Variants in ZNF330 observed in about 807,000 individuals in gnomAD.
The protein encoded by ZNF330 is nucleolar atypical zinc finger, also known as zinc finger protein 330.
In ZNF330, 31 loss-of-function variants were observed where a neutral mutation model predicts 45.5. The observed-to-expected ratio is 0.68, with a 90% confidence interval of 0.51 to 0.92. The LOEUF is 0.92. ZNF330 is among the 40% of genes least tolerant of loss of function. ZNF330 has a pLI of 0.00. For synonymous variants in ZNF330, 138 were observed against 123.2 expected (o/e 1.12, Z -0.79); for missense variants, 356 against 387.4 (o/e 0.92, Z 0.68).
In ZNF330 at chr4:141,234,003, G is replaced by A. The variant is rs755790195; in HGVS notation, c.*14G>A. 6 of 1,601,122 alleles carry A rather than the reference G, an allele frequency of 3.7e-6. No individual in the cohort carries two copies. The highest frequency in any genetic ancestry group is 5.1e-6 in the Non-Finnish European group (6 of 1,173,346). On this transcript the variant is annotated 3_prime_UTR_variant, in exon 10 of 10. Coordinates refer to ENST00000262990, the MANE Select transcript of ZNF330 (RefSeq NM_014487.6). ...CAAGAGAACTAGGGGAGCTGCTCTG[G>A]TGGCCGTGTGTGAGAGGAGCAGGAG...
Position 141,224,686 on chromosome 4 carries a change from G to C in ZNF330, c.211+9G>C, listed in dbSNP as rs1418673071. On this transcript the variant is annotated intron_variant, in intron 4 of 9. Transcript: ENST00000262990. ...AATTTGTGCACAGTGTGGTAAGTTT[G>C]TAATAATTAAGGACATATGCTTTTT... 3.1e-6 allele frequency: 5 copies of C among 1,611,050 alleles called. No homozygotes were observed. Among genetic ancestry groups the C allele is most frequent in the Non-Finnish European group, 4.2e-6 (5 of 1,178,148 alleles).
Position 141,234,227 on chromosome 4 carries a change from A to G in ZNF330, c.*238A>G, listed in dbSNP as rs1729029030. 1 of 626,550 alleles carries G rather than the reference A, an allele frequency of 1.6e-6. No homozygotes were observed. The highest frequency in any genetic ancestry group is 2.3e-6 in the Non-Finnish European group (1 of 433,964). The allele number at this position is 626,550 out of a possible 1,614,324, so 38.8% of individuals were successfully genotyped here. A position where few individuals can be genotyped will look rare whatever the true frequency, so the allele number is the denominator to read the frequency against. On this transcript the variant is annotated 3_prime_UTR_variant, in exon 10 of 10. Coordinates refer to ENST00000262990, the MANE Select transcript of ZNF330 (RefSeq NM_014487.6). ...TATTGATCGAAGCAATTGAAGTATC[A>G]TGGATTGGATTGTTACTGATTTCAG... is the stretch of plus-strand genomic sequence containing the variant.
intron 7 of ZNF330, among the ~76,000 whole-genome samples, chr4:141,231,000 G>A (rs889644443): frequency 7.9e-5 from 12 of 151,912 alleles, no homozygotes; most frequent in Admixed American, 3.9e-4. Flanking sequence ...AAATTCCCCA[G>A]GTATTCTCTT....
chr4:141,225,144 A>G (rs1728773239), intron 4 of ZNF330, among the ~76,000 whole-genome samples: 1 of 152,062 alleles, frequency 6.6e-6, no homozygotes, highest in Non-Finnish European at 1.5e-5. Flanking sequence ...GATGCTTACC[A>G]TATGATTCAT....
Position 141,224,503 on chromosome 4 carries a change from A to G in ZNF330, c.137A>G (p.Gln46Arg), listed in dbSNP as rs1728754043. The change falls in exon 3 of 10, where the codon CAG (glutamine) becomes CGG (arginine). Residue 46 changes from glutamine (Q) to arginine (R), a missense_variant. By Grantham distance (43) the Gln-to-Arg change is conservative. Coordinates refer to ENST00000262990, the MANE Select transcript of ZNF330 (RefSeq NM_014487.6). The part of the protein sequence containing the change: ...CNASMECDKC[Q>R]RRQKNRAFCY... ...ATGTTACAGGAATGTGACAAGTGTC[A>G]GAGGTAAATTTTATTTCTTTTTCTA... The G allele has an allele frequency of 1.9e-6, 3 of 1,608,968 alleles. No individual in the cohort carries two copies. The highest frequency in any genetic ancestry group is 1.1e-5 in the South Asian group (1 of 90,522).
intron 7 of ZNF330, among the ~76,000 whole-genome samples, chr4:141,230,579 T>C (rs888744771): frequency 6.6e-6 from 1 of 152,054 alleles, no homozygotes; most frequent in Non-Finnish European, 1.5e-5. Flanking sequence ...CAAATTATTA[T>C]AAAAAACCAA....
Position 141,234,239 on chromosome 4 carries a change from G to T in ZNF330, c.*250G>T. The stretch of plus-strand genomic sequence containing the variant: ...CAATTGAAGTATCATGGATTGGATT[G>T]TTACTGATTTCAGTAAAGTATGTTT... On this transcript the variant is annotated 3_prime_UTR_variant, in exon 10 of 10. Coordinates refer to ENST00000262990, the MANE Select transcript of ZNF330 (RefSeq NM_014487.6). 1.9e-6 allele frequency: 1 copy of T among 514,786 alleles called. No individual in the cohort carries two copies. The highest frequency in any genetic ancestry group is 2.9e-6 in the Non-Finnish European group (1 of 343,926). The allele number at this position is 514,786 out of a possible 1,614,324, so 31.9% of individuals were successfully genotyped here. A position where few individuals can be genotyped will look rare whatever the true frequency, so the allele number is the denominator to read the frequency against.
chr4:141,233,771 G>A lies in ZNF330; in HGVS notation c.745G>A (p.Gly249Arg). Residue 249 changes from glycine to arginine, a missense_variant, in exon 10 of 10, where the codon GGG becomes AGG. Coordinates refer to ENST00000262990, the MANE Select transcript of ZNF330 (RefSeq NM_014487.6). ...TGGEEGDGAS[G>R]YDAYWKNLSS... ...AGGTGAAGAGGGAGATGGAGCTTCT[G>A]GGTATGATGCTTATTGGAAGAACCT... The A allele has an allele frequency of 1.2e-6, 2 of 1,613,594 alleles. No homozygotes were observed. Among genetic ancestry groups the A allele is most frequent in the Non-Finnish European group, 1.7e-6 (2 of 1,179,720 alleles).
intron 5 of ZNF330, among the ~76,000 whole-genome samples, chr4:141,228,147 C>G (rs1174557908): frequency 1.3e-5 from 2 of 152,020 alleles, no homozygotes; most frequent in Non-Finnish European, 2.9e-5. Flanking sequence ...ATTATAGAAG[C>G]AAGGAGCGAG....
chr4:141,224,718 T>C, intron 4 of ZNF330, 41 bp downstream of exon 4: 1 of 1,558,400 alleles, frequency 6.4e-7, no homozygotes, highest in Non-Finnish European at 8.8e-7. Context: ...TTTTATCAAC[T>C]GGTAGTTCAA....
At chr4:141,232,388 T>C (rs190151712) in intron 8 of ZNF330, 137 bp from the exon 9 acceptor site, 1 of 448,064 alleles carries the variant, frequency 2.2e-6, no homozygotes, top group Admixed American at 4.3e-5. Flanking sequence ...GAAAATGAAA[T>C]GAGAAGTGTG....
At chr4:141,225,938 GC>G (rs1327949782) in intron 4 of ZNF330, among the ~76,000 whole-genome samples, 1 of 152,048 alleles carries the variant, frequency 6.6e-6, no homozygotes, top group Non-Finnish European at 1.5e-5. Context: ...GGTAGCTGCT[GC>G]CTCTCATTTC....
Position 141,232,550 on chromosome 4 carries a change from G to A in ZNF330, c.596G>A (p.Arg199Lys). Residue 199 changes from arginine (R) to lysine (K), a missense_variant, in exon 9 of 10, where the codon AGG (arginine) becomes AAG (lysine). Arg to Lys is a conservative substitution (Grantham distance 26). Transcript: ENST00000262990. ...GCTTGTTTCTGTGATGATCATACAA[G>A]GAGCAAAGTGTTTAAGCAAGAAAAA... ...CKACFCDDHT[R>K]SKVFKQEKGK... is the part of the protein sequence containing the mutation. 6.3e-7 allele frequency: 1 copy of A among 1,589,364 alleles called. No individual in the cohort carries two copies. The highest frequency in any genetic ancestry group is 8.6e-7 in the Non-Finnish European group (1 of 1,169,558).
At chr4:141,223,556 G>A (rs1728734665) in intron 2 of ZNF330, among the ~76,000 whole-genome samples, 1 of 152,230 alleles carries the variant, frequency 6.6e-6, no homozygotes, top group Non-Finnish European at 1.5e-5. Context: ...CTGAAAGGCT[G>A]GACTTCACCC....
chr4:141,231,753 C>T (rs1470663614), intron 8 of ZNF330, among the ~76,000 whole-genome samples: 3 of 151,990 alleles, frequency 2.0e-5, no homozygotes, highest in Non-Finnish European at 2.9e-5. Flanking sequence ...AACATTCTGA[C>T]CAAGATGATG....
intron 2 of ZNF330, chr4:141,224,004 G>A (rs1461267657): frequency 3.4e-6 from 1 of 296,140 alleles, no homozygotes; most frequent in African/African-American, 2.2e-5. Context: ...GGGCCAGATT[G>A]TGGAGAGCTT....
chr4:141,224,313 C>A (rs1728749827), intron 2 of ZNF330, among the ~76,000 whole-genome samples, 174 bp from the exon 3 acceptor site: 1 of 152,156 alleles, frequency 6.6e-6, no homozygotes, highest in Admixed American at 6.5e-5. Flanking sequence ...ATCACTCTCG[C>A]ATACCTTTGT....
At chr4:141,228,625 T>C (rs915671542) in intron 5 of ZNF330, among the ~76,000 whole-genome samples, 27 of 152,128 alleles carry the variant, frequency 1.8e-4, no homozygotes, top group Admixed American at 6.6e-4. Flanking sequence ...ATCTCTTTTT[T>C]GCAAGAACCC....
chr4:141,227,855 T>A (rs1373523257), intron 5 of ZNF330, among the ~76,000 whole-genome samples: 4 of 152,142 alleles, frequency 2.6e-5, no homozygotes, highest in African/African-American at 9.7e-5. Context: ...ATATAGGATT[T>A]TTTAAAGTAA....
Sources: allele counts gnomAD v4.1 joint callset (sites outside exome capture counted in the v4.1 genomes callset), GRCh38; gene constraint gnomAD v4.1.1; transcripts MANE v1.5; gene names NCBI Gene and HGNC (gene_info 2026-07-23, HGNC 2026-07-21).